Variants in PTPRD observed in about 807,000 individuals in gnomAD.
PTPRD encodes receptor-type tyrosine-protein phosphatase delta.
In PTPRD, 34 loss-of-function variants were observed where a neutral mutation model predicts 214.5. The ratio of observed to expected loss-of-function variants is 0.16; its 90% CI spans 0.12 to 0.21. The LOEUF (loss-of-function observed/expected upper bound fraction) is 0.21. Ranked by LOEUF, PTPRD falls within the 10% of genes least tolerant of loss-of-function variation. The pLI, the probability that PTPRD is intolerant of heterozygous loss-of-function variation, is 1.00. For missense variants in PTPRD, 2,545 were observed against 2,398.7 expected, an observed-to-expected ratio of 1.06 and a Z score of -1.27; for synonymous variants, 1,128 against 845.7, an observed-to-expected ratio of 1.33 and a Z score of -5.79.
intron 11 of PTPRD, among the ~76,000 whole-genome samples, chr9:8,933,170 G>C (rs187195289): frequency 6.6e-6 from 1 of 151,978 alleles, no homozygotes; most frequent in Non-Finnish European, 1.5e-5. Context: ...GCCCCACCCT[G>C]CTTCTGCTCG....
intron 2 of PTPRD, among the ~76,000 whole-genome samples, chr9:10,509,175 A>G (rs1232026887): frequency 2.0e-5 from 3 of 152,110 alleles, no homozygotes; most frequent in South Asian, 4.1e-4. Flanking sequence ...GAAGATCCAT[A>G]GGAGGAATTT....
At chr9:9,024,179 G>A (rs999421169) in intron 10 of PTPRD, among the ~76,000 whole-genome samples, 2 of 151,344 alleles carry the variant, frequency 1.3e-5, no homozygotes, top group African/African-American at 4.8e-5. Flanking sequence ...CATTAATAGT[G>A]CTATGTTCTC....
chr9:8,945,886 A>C (rs749027356), intron 11 of PTPRD, among the ~76,000 whole-genome samples: 13 of 152,154 alleles, frequency 8.5e-5, no homozygotes, highest in Non-Finnish European at 7.4e-5. Context: ...TAAATAAGCC[A>C]GTCAACAATT....
At chr9:9,550,171 G>C (rs1260801250) in intron 8 of PTPRD, among the ~76,000 whole-genome samples, 1 of 151,810 alleles carries the variant, frequency 6.6e-6, no homozygotes, top group Non-Finnish European at 1.5e-5. Context: ...GTTTACCAAA[G>C]AAGAAATTCT....
At chr9:9,025,145 AT>A (rs1278993242) in intron 10 of PTPRD, among the ~76,000 whole-genome samples, 1 of 151,972 alleles carries the variant, frequency 6.6e-6, no homozygotes, top group Non-Finnish European at 1.5e-5. Flanking sequence ...GTGTGCAAAC[AT>A]TTTTCATTGC....
At chr9:9,260,115 T>C (rs1182001336) in intron 9 of PTPRD, among the ~76,000 whole-genome samples, 2 of 151,894 alleles carry the variant, frequency 1.3e-5, no homozygotes, top group African/African-American at 2.4e-5. Flanking sequence ...ATATTTTCTA[T>C]AAATGCTATA....
intron 14 of PTPRD, among the ~76,000 whole-genome samples, chr9:8,596,496 G>A (rs2094484151): frequency 6.6e-6 from 1 of 151,796 alleles, no homozygotes; most frequent in Admixed American, 6.6e-5. Context: ...AACACATAAA[G>A]AAAAAAACAG....
rs1198956837 is a variant in PTPRD, at chr9:9,129,453, C to G, written c.-143+53851G>C. ...TGTAACTCAGCTGATTTCCCTTCCT[C>G]CTTTCTTATTTACGTATTTATTTAG... On this transcript the variant is annotated intron_variant, in intron 10 of 45. Transcript: ENST00000381196. Among the ~76,000 whole-genome samples the G allele has an allele frequency of 7.2e-5, 11 of 152,132 alleles. No homozygotes were observed. In the East Asian group the frequency reaches 2.1e-3, roughly 29 times the overall value.
chr9:8,544,969 C>T (rs1407497636), intron 14 of PTPRD, among the ~76,000 whole-genome samples: 3 of 145,238 alleles, frequency 2.1e-5, no homozygotes, highest in Non-Finnish European at 4.5e-5. Flanking sequence ...ATTCACTTTC[C>T]TAAAACATGA....
chr9:9,844,307 A>AT (rs1167941089), intron 5 of PTPRD, among the ~76,000 whole-genome samples: 1 of 152,016 alleles, frequency 6.6e-6, no homozygotes, highest in Non-Finnish European at 1.5e-5. Context: ...TTAGATCATA[A>AT]TGCCACTAGA....
intron 3 of PTPRD, among the ~76,000 whole-genome samples, chr9:10,139,511 T>C (rs966499361): frequency 6.6e-6 from 1 of 151,886 alleles, no homozygotes; most frequent in Non-Finnish European, 1.5e-5. Flanking sequence ...TTTCACAGAA[T>C]TTGAAAAAAA....
chr9:9,696,329 GTTTAA>G (rs778029977), intron 7 of PTPRD, among the ~76,000 whole-genome samples: 20 of 152,132 alleles, frequency 1.3e-4, no homozygotes, highest in Non-Finnish European at 2.8e-4. Flanking sequence ...TTGGTCTAGT[GTTTAA>G]TTTATCTCTG....
At chr9:9,838,562 G>A (rs1325317878) in intron 5 of PTPRD, among the ~76,000 whole-genome samples, 2 of 152,122 alleles carry the variant, frequency 1.3e-5, no homozygotes, top group African/African-American at 4.8e-5. Flanking sequence ...CTGCATAAAT[G>A]TCTTCTTTTG....
At chr9:10,510,806 C>T (rs1414554) in intron 2 of PTPRD, among the ~76,000 whole-genome samples, 120,452 of 152,020 alleles carry the variant, frequency 0.79, 47,939 homozygotes, top group Middle Eastern at 0.87. Context: ...CTAGTTCTTA[C>T]CTAACCGCAT....
rs145618313 is a variant in PTPRD, at chr9:8,505,821, A to G, written c.1678-1416T>C. Among the ~76,000 whole-genome samples, 239 of 152,156 alleles carry G rather than the reference A, an allele frequency of 1.6e-3. 3 individuals carry two copies. The East Asian group carries it at 0.04, about 25-fold the overall frequency. ...AGCTATGCCAACATTTAAGCATCAC[A>G]ATTCTCCTTTACTCTTTGTATATAT... On this transcript the variant is annotated intron_variant, in intron 22 of 45. Transcript: ENST00000381196.
chr9:8,912,586 C>T (rs1169365975), intron 11 of PTPRD, among the ~76,000 whole-genome samples: 1 of 152,048 alleles, frequency 6.6e-6, no homozygotes, highest in Admixed American at 6.6e-5. Context: ...ATACAAAAAA[C>T]ATTGAATTGT....
At chr9:8,527,260 G>A in intron 16 of PTPRD, 85 bp downstream of exon 16, 2 of 1,412,020 alleles carry the variant, frequency 1.4e-6, no homozygotes, top group Non-Finnish European at 2.0e-6. Flanking sequence ...TAAAATGCAT[G>A]CCATGCATTT....
At chr9:9,092,628 A>G (rs2099777892) in intron 10 of PTPRD, among the ~76,000 whole-genome samples, 1 of 151,336 alleles carries the variant, frequency 6.6e-6, no homozygotes, top group African/African-American at 2.5e-5. Context: ...ATGACTTGAA[A>G]ATATGACTTG....
intron 6 of PTPRD, among the ~76,000 whole-genome samples, chr9:9,753,760 T>G (rs911985934): frequency 9.2e-5 from 14 of 152,036 alleles, no homozygotes; most frequent in African/African-American, 3.4e-4. Flanking sequence ...GGCCTCTAAA[T>G]TTTAAATTCA....
Sources: gnomAD v4.1 joint callset for allele counts (sites outside exome capture counted in the v4.1 genomes callset) on GRCh38, gnomAD v4.1.1 for gene constraint, MANE v1.5 for transcripts, NCBI Gene and HGNC (gene_info 2026-07-23, HGNC 2026-07-21) for gene names.